The following RBFOX1 variants were observed in gnomAD, a reference collection of about 807,000 sequenced individuals.
RBFOX1 encodes RNA binding protein fox-1 homolog 1.
In RBFOX1, 8 loss-of-function variants were observed where a neutral mutation model predicts 57.7. The observed-to-expected ratio is 0.14, with a 90% confidence interval of 0.08 to 0.25. The LOEUF (loss-of-function observed/expected upper bound fraction) is 0.25, where lower values mean the gene tolerates loss of function less well. Ranked by LOEUF, RBFOX1 falls within the 10% of genes least tolerant of loss-of-function variation. RBFOX1 has a pLI of 1.00. For missense variants in RBFOX1, 611 were observed against 548.5 expected (o/e 1.11, Z -1.14); for synonymous variants, 326 against 222.4 (o/e 1.47, Z -4.15).
chr16:5,541,471 T>C (rs375463277), intron 2 of RBFOX1, among the ~76,000 whole-genome samples: 15 of 152,266 alleles, frequency 9.9e-5, no homozygotes, highest in Middle Eastern at 3.4e-3. Flanking sequence ...TGATTCCTTC[T>C]GGAAAGGCAG....
intron 4 of RBFOX1, among the ~76,000 whole-genome samples, chr16:5,981,195 G>C (rs1180961473): frequency 1.3e-5 from 2 of 152,094 alleles, no homozygotes; most frequent in Non-Finnish European, 2.9e-5. Flanking sequence ...AATAGTACAG[G>C]CTCTGCGCCT....
At chr16:7,461,110 C>T (rs532635404) in intron 4 of RBFOX1, among the ~76,000 whole-genome samples, 1 of 152,020 alleles carries the variant, frequency 6.6e-6, no homozygotes, top group East Asian at 1.9e-4. Flanking sequence ...CAACTTATGG[C>T]AATAACATTA....
At chr16:7,415,561 G>T (rs1490322553) in intron 4 of RBFOX1, among the ~76,000 whole-genome samples, 1 of 152,146 alleles carries the variant, frequency 6.6e-6, no homozygotes, top group African/African-American at 2.4e-5. Context: ...CACTTTTCTG[G>T]CTTTGTGATT....
chr16:6,405,345 A>C (rs1450639709), intron 2 of RBFOX1, among the ~76,000 whole-genome samples: 1 of 152,174 alleles, frequency 6.6e-6, no homozygotes, highest in Non-Finnish European at 1.5e-5. Context: ...TTGGCTCCTG[A>C]ATCTCAATAG....
chr16:5,531,245 G>A (rs1567199308), intron 2 of RBFOX1, among the ~76,000 whole-genome samples: 1 of 152,194 alleles, frequency 6.6e-6, no homozygotes, highest in Non-Finnish European at 1.5e-5. Context: ...GGGGTGGGTT[G>A]TGGCTCCAGC....
At chr16:6,593,063 G>A (rs1234536050) in intron 2 of RBFOX1, among the ~76,000 whole-genome samples, 1 of 152,114 alleles carries the variant, frequency 6.6e-6, no homozygotes, top group African/African-American at 2.4e-5. Context: ...GTGGTGGCAG[G>A]TGCCTGTACT....
chr16:6,931,001 T>C (rs2153474383), intron 3 of RBFOX1, among the ~76,000 whole-genome samples: 1 of 152,170 alleles, frequency 6.6e-6, no homozygotes, highest in East Asian at 1.9e-4. Flanking sequence ...TATCTTCTCC[T>C]TTCTGGATTG....
At chr16:7,417,273 TGAG>T (rs2098487680) in intron 4 of RBFOX1, among the ~76,000 whole-genome samples, 1 of 149,444 alleles carries the variant, frequency 6.7e-6, no homozygotes, top group Non-Finnish European at 1.5e-5. Context: ...CTTAGGAAAC[TGAG>T]ACAGGGGAAT....
intron 1 of RBFOX1, among the ~76,000 whole-genome samples, chr16:5,425,933 A>G (rs2067546050): frequency 6.6e-6 from 1 of 152,192 alleles, no homozygotes; most frequent in Admixed American, 6.5e-5. Flanking sequence ...GCCCCAGTGC[A>G]AACACAACAG....
intron 4 of RBFOX1, among the ~76,000 whole-genome samples, chr16:5,907,669 A>G (rs902243082): frequency 2.6e-5 from 4 of 152,134 alleles, no homozygotes; most frequent in Non-Finnish European, 4.4e-5. Flanking sequence ...AAGTTCCACA[A>G]AGACATGCCT....
chr16:6,727,751 G>C (rs906335231), intron 3 of RBFOX1, among the ~76,000 whole-genome samples: 2 of 152,150 alleles, frequency 1.3e-5, no homozygotes, highest in Non-Finnish European at 2.9e-5. Flanking sequence ...GTACCCTGCT[G>C]AGTTCAGTAG....
chr16:6,003,502 C>G (rs994601440), intron 4 of RBFOX1, among the ~76,000 whole-genome samples: 14 of 137,858 alleles, frequency 1.0e-4, no homozygotes, highest in African/African-American at 3.4e-4. Context: ...TTGTTTGAGA[C>G]CTAGGCACAA....
intron 4 of RBFOX1, among the ~76,000 whole-genome samples, chr16:7,168,043 C>A (rs1052973493): frequency 2.0e-5 from 3 of 152,016 alleles, no homozygotes; most frequent in Non-Finnish European, 4.4e-5. Context: ...GTTTTTTCCT[C>A]CTTAGAGGAA....
intron 4 of RBFOX1, among the ~76,000 whole-genome samples, chr16:7,338,877 G>A (rs2096841945): frequency 6.6e-6 from 1 of 152,146 alleles, no homozygotes; most frequent in African/African-American, 2.4e-5. Context: ...TGATATTGCT[G>A]CCCTGCGATT....
chr16:6,593,137 G>A (rs1027570323), intron 2 of RBFOX1, among the ~76,000 whole-genome samples: 4 of 152,090 alleles, frequency 2.6e-5, no homozygotes, highest in African/African-American at 7.2e-5. Flanking sequence ...GGTTGCAGTG[G>A]GCTGAGATGG....
At chr16:5,575,527 TTC>T (rs1353624626) in intron 2 of RBFOX1, among the ~76,000 whole-genome samples, 1 of 152,148 alleles carries the variant, frequency 6.6e-6, no homozygotes, top group Non-Finnish European at 1.5e-5. Context: ...AAGTGGTAAT[TTC>T]TGACAGTACA....
chr16:7,527,125 G>C (rs889562470), intron 5 of RBFOX1, among the ~76,000 whole-genome samples: 2 of 152,074 alleles, frequency 1.3e-5, no homozygotes, highest in Non-Finnish European at 2.9e-5. Flanking sequence ...TTGTCTTTTC[G>C]GATGACAGTG....
intron 1 of RBFOX1, chr16:5,289,229 T>C (rs566237805): frequency 6.3e-4 from 228 of 363,596 alleles, no homozygotes; most frequent in Non-Finnish European, 1.1e-3. Flanking sequence ...CTGGGCTGAC[T>C]GGGCACCATC....
At chr16:5,492,820 C>A (rs2042877550) in intron 2 of RBFOX1, among the ~76,000 whole-genome samples, 1 of 152,182 alleles carries the variant, frequency 6.6e-6, no homozygotes, top group Admixed American at 6.5e-5. Flanking sequence ...AACCATTAAA[C>A]CATCAATAGT....
Sources: allele counts gnomAD v4.1 joint callset (sites outside exome capture counted in the v4.1 genomes callset), GRCh38; gene constraint gnomAD v4.1.1; transcripts MANE v1.5; gene names NCBI Gene and HGNC (gene_info 2026-07-23, HGNC 2026-07-21).